Variants in CNIH3 observed in about 807,000 individuals in gnomAD.
CNIH3 encodes protein cornichon homolog 3.
CNIH3 carries 14 observed loss-of-function variants against 24.1 expected under a neutral mutation model. That is an observed-to-expected ratio of 0.58 (90% confidence interval 0.38 to 0.91). The LOEUF is 0.91. Ranked by LOEUF, CNIH3 falls within the 40% of genes least tolerant of loss-of-function variation. The pLI is 0.00. For synonymous variants in CNIH3, 68 were observed against 73.8 expected, an observed-to-expected ratio of 0.92 and a Z score of 0.40; for missense variants, 178 against 196.8, an observed-to-expected ratio of 0.90 and a Z score of 0.57.
At chr1:224,456,904 C>T (rs1393957723) in intron 1 of CNIH3, among the ~76,000 whole-genome samples, 3 of 152,216 alleles carry the variant, frequency 2.0e-5, no homozygotes, top group Admixed American at 6.5e-5. Flanking sequence ...GTGTGGGAGT[C>T]GCCTGGAGCC....
intron 1 of CNIH3, among the ~76,000 whole-genome samples, chr1:224,635,281 C>T (rs562845471): frequency 8.5e-5 from 13 of 152,266 alleles, no homozygotes; most frequent in African/African-American, 3.1e-4. Flanking sequence ...CACCTCCCAC[C>T]AGGCCCCTCC....
chr1:224,692,247 G>A (rs937528696), intron 3 of CNIH3, among the ~76,000 whole-genome samples: 2 of 152,164 alleles, frequency 1.3e-5, no homozygotes, highest in African/African-American at 4.8e-5. Flanking sequence ...TTCAGGCTGC[G>A]GTGAGCCAAG....
At chr1:224,585,477 C>CTTT (rs200807437) in intron 5 of CNIH3, among the ~76,000 whole-genome samples, 2 of 145,258 alleles carry the variant, frequency 1.4e-5, no homozygotes, top group Admixed American at 6.9e-5. Flanking sequence ...TTCTTTTATT[C>CTTT]TTTTTTTTTT....
intron 3 of CNIH3, among the ~76,000 whole-genome samples, chr1:224,707,715 G>A (rs1330947207): frequency 5.9e-5 from 9 of 152,140 alleles, no homozygotes; most frequent in African/African-American, 2.2e-4. Context: ...CAAGATCCTT[G>A]TATGCACATT....
rs527447843 is a variant in CNIH3, at chr1:224,669,847, TCA to T, written c.82-11106_82-11105del. Among the ~76,000 whole-genome samples the T allele has an allele frequency of 3.9e-5, 6 of 152,236 alleles. No homozygotes were observed. In the East Asian group the frequency reaches 1.2e-3, roughly 29 times the overall value. ...AGGGGGTTAAGCACCTTGCCCATAG[TCA>T]CACAAACAAATGAGGCAGAATTTGG... On this transcript the variant is annotated intron_variant, in intron 1 of 5. Coordinates refer to ENST00000272133, the MANE Select transcript of CNIH3 (RefSeq NM_152495.2).
intron 3 of CNIH3, among the ~76,000 whole-genome samples, chr1:224,594,916 G>A (rs1681914777): frequency 6.6e-6 from 1 of 152,196 alleles, no homozygotes; most frequent in African/African-American, 2.4e-5. Context: ...TTGTTTTACT[G>A]CACTTTGCTT....
chr1:224,530,171 C>T (rs1315999517), intron 2 of CNIH3, among the ~76,000 whole-genome samples: 3 of 152,170 alleles, frequency 2.0e-5, no homozygotes, highest in Non-Finnish European at 4.4e-5. Flanking sequence ...AAGGTAAGGT[C>T]GTTTCCAGGA....
intron 1 of CNIH3, among the ~76,000 whole-genome samples, chr1:224,479,092 G>T (rs1020608283): frequency 6.8e-6 from 1 of 146,248 alleles, no homozygotes; most frequent in African/African-American, 2.5e-5. Flanking sequence ...TCCCAAATCT[G>T]ATGTTTTCAC....
Position 224,703,689 on chromosome 1 carries a change from A to G in CNIH3, c.198+18846A>G, listed in dbSNP as rs186233491. Reference sequence around the variant, plus strand: ...CTTGAGCTAAGAATAGAGTTTCCAAAGCAATTTGTTTCCTAAAAGATAGAA... The same window carrying G: ...CTTGAGCTAAGAATAGAGTTTCCAAGGCAATTTGTTTCCTAAAAGATAGAA... On this transcript the variant is annotated intron_variant, in intron 3 of 5. Coordinates refer to ENST00000272133, the MANE Select transcript of CNIH3 (RefSeq NM_152495.2). The surrounding 1 kb of genome is among the most constrained non-coding windows in gnomAD (Gnocchi z 4.2). Among the ~76,000 whole-genome samples the G allele has an allele frequency of 5.3e-5, 8 of 151,986 alleles. No homozygotes were observed. Among genetic ancestry groups the G allele is most frequent in the Admixed American group, 2.0e-4 (3 of 15,300 alleles).
chr1:224,732,633 G>C (rs1485885305), intron 4 of CNIH3, among the ~76,000 whole-genome samples: 1 of 152,208 alleles, frequency 6.6e-6, no homozygotes, highest in Non-Finnish European at 1.5e-5. Flanking sequence ...CACTGCCCCA[G>C]GGGCTGGCTC....
chr1:224,702,265 C>T (rs983511114), intron 3 of CNIH3, among the ~76,000 whole-genome samples: 4 of 152,176 alleles, frequency 2.6e-5, no homozygotes, highest in Non-Finnish European at 5.9e-5. Flanking sequence ...TTTATTTAGC[C>T]ATTTTCATAT....
At chr1:224,524,634 G>T (rs1678773387) in intron 2 of CNIH3, among the ~76,000 whole-genome samples, 1 of 152,168 alleles carries the variant, frequency 6.6e-6, no homozygotes, top group Non-Finnish European at 1.5e-5. Context: ...ATTGTGTTAG[G>T]TAGGGATATT....
At chr1:224,654,631 A>C (rs533041709) in intron 1 of CNIH3, among the ~76,000 whole-genome samples, 1 of 152,242 alleles carries the variant, frequency 6.6e-6, no homozygotes, top group African/African-American at 2.4e-5. Context: ...ATACACAATA[A>C]CTCCATACAG....
At chr1:224,692,231 A>C (rs1309230932) in intron 3 of CNIH3, among the ~76,000 whole-genome samples, 3 of 152,198 alleles carry the variant, frequency 2.0e-5, no homozygotes, top group Non-Finnish European at 2.9e-5. Flanking sequence ...ACTTGAGTCC[A>C]GGAGATTCAG....
chr1:224,612,735 G>A (rs201570160), upstream of CNIH3, among the ~76,000 whole-genome samples: 9 of 152,108 alleles, frequency 5.9e-5, no homozygotes, highest in East Asian at 1.7e-3. The surrounding 1 kb of genome is among the most constrained non-coding windows in gnomAD (Gnocchi z 4.7). Flanking sequence ...AACAAGTTTG[G>A]CACAGTAAAA....
chr1:224,704,930 T>C lies in CNIH3; in HGVS notation c.198+20087T>C, dbSNP rs1687698176. Among the ~76,000 whole-genome samples, 1 of 152,080 alleles carries C rather than the reference T, an allele frequency of 6.6e-6. No homozygotes were observed. Among genetic ancestry groups the C allele is most frequent in the Non-Finnish European group, 1.5e-5 (1 of 68,010 alleles). On this transcript the variant is annotated intron_variant, in intron 3 of 5. Transcript: ENST00000272133. The surrounding 1 kb of genome is among the most constrained non-coding windows in gnomAD (Gnocchi z 4.2). Reference sequence around the variant, plus strand: ...TTCAAGACCAGCCTGACCAATGTGATGAAACCCCGTCTCTAGTAAAAAATA... The same window carrying C: ...TTCAAGACCAGCCTGACCAATGTGACGAAACCCCGTCTCTAGTAAAAAATA...
chr1:224,682,524 C>T (rs1388704780), intron 2 of CNIH3, among the ~76,000 whole-genome samples: 1 of 152,232 alleles, frequency 6.6e-6, no homozygotes, highest in Admixed American at 6.5e-5. Context: ...AAAGAACCTG[C>T]AAGATCCACT....
At chr1:224,529,470 C>A (rs953299047) in intron 2 of CNIH3, 1 of 152,018 alleles carries the variant, frequency 6.6e-6, no homozygotes. Context: ...CTTACCAGGC[C>A]GGGGGTTTTG....
chr1:224,556,734 C>T (rs2124975992), intron 3 of CNIH3, among the ~76,000 whole-genome samples: 1 of 152,314 alleles, frequency 6.6e-6, no homozygotes, highest in Non-Finnish European at 1.5e-5. Flanking sequence ...AGAGCTCAGG[C>T]AGTAGTGCTC....
Sources: gnomAD v4.1 joint callset for allele counts (sites outside exome capture counted in the v4.1 genomes callset) on GRCh38, gnomAD v4.1.1 for gene constraint, Gnocchi (gnomAD v3.1) non-coding constraint, MANE v1.5 for transcripts, NCBI Gene and HGNC (gene_info 2026-07-23, HGNC 2026-07-21) for gene names.